The following CNTNAP2 variants were observed in gnomAD, a reference collection of about 807,000 sequenced individuals.
The protein encoded by CNTNAP2 is contactin-associated protein-like 2.
CNTNAP2 carries 98 observed loss-of-function variants against 155.2 expected under a neutral mutation model. That is an observed-to-expected ratio of 0.63 (90% CI 0.54 to 0.75). The LOEUF is 0.75. CNTNAP2 is among the 30% of genes least tolerant of loss of function. The pLI, the probability that CNTNAP2 is intolerant of heterozygous loss-of-function variation, is 0.00. For synonymous variants in CNTNAP2, 651 were observed against 631.2 expected (o/e 1.03, Z -0.47); for missense variants, 1,727 against 1,688.1 (o/e 1.02, Z -0.40).
chr7:147,915,348 T>C (rs1326871934), intron 14 of CNTNAP2, among the ~76,000 whole-genome samples: 2 of 152,180 alleles, frequency 1.3e-5, no homozygotes, highest in Non-Finnish European at 2.9e-5. Context: ...TTGATCTGAG[T>C]TCTGTGGAAC....
intron 9 of CNTNAP2, among the ~76,000 whole-genome samples, chr7:147,348,582 A>G (rs1795917671): frequency 6.6e-6 from 1 of 151,950 alleles, no homozygotes; most frequent in Non-Finnish European, 1.5e-5. Flanking sequence ...AGAAAAAAGT[A>G]TGGAGGTCCT....
intron 8 of CNTNAP2, among the ~76,000 whole-genome samples, chr7:147,176,438 T>C (rs1348257331): frequency 1.3e-5 from 2 of 151,808 alleles, no homozygotes; most frequent in East Asian, 1.9e-4. Flanking sequence ...TTAGATATTG[T>C]GCAGATGGAT....
intron 9 of CNTNAP2, among the ~76,000 whole-genome samples, chr7:147,330,571 C>G (rs1444585845): frequency 6.6e-6 from 1 of 152,172 alleles, no homozygotes; most frequent in Non-Finnish European, 1.5e-5. Flanking sequence ...TTTTCACTAA[C>G]TCTGGGTAGT....
At chr7:148,348,523 G>A (rs776510933) in intron 21 of CNTNAP2, among the ~76,000 whole-genome samples, 1 of 152,124 alleles carries the variant, frequency 6.6e-6, no homozygotes, top group East Asian at 1.9e-4. Flanking sequence ...GGAGCTCATC[G>A]CCCTATGAGA....
chr7:146,865,485 A>C (rs931942860), intron 3 of CNTNAP2, among the ~76,000 whole-genome samples: 1 of 152,160 alleles, frequency 6.6e-6, no homozygotes, highest in South Asian at 2.1e-4. Context: ...TGAGTCCACA[A>C]ATAGACTCAC....
intron 21 of CNTNAP2, among the ~76,000 whole-genome samples, chr7:148,358,194 C>T (rs1211578039): frequency 6.6e-6 from 1 of 152,132 alleles, no homozygotes; most frequent in Non-Finnish European, 1.5e-5. Context: ...CTGGGAGAAG[C>T]AGGGTGGGTC....
At chr7:146,590,176 G>C (rs910630832) in intron 1 of CNTNAP2, among the ~76,000 whole-genome samples, 1 of 152,102 alleles carries the variant, frequency 6.6e-6, no homozygotes, top group African/African-American at 2.4e-5. Flanking sequence ...GGCACTACAG[G>C]GTCATGCCAC....
At chr7:146,832,613 AT>A (rs1423527647) in intron 2 of CNTNAP2, among the ~76,000 whole-genome samples, 3 of 148,024 alleles carry the variant, frequency 2.0e-5, no homozygotes, top group African/African-American at 7.4e-5. Context: ...TATATATTAT[AT>A]TTTATATATT....
intron 7 of CNTNAP2, among the ~76,000 whole-genome samples, chr7:147,129,361 C>T (rs1801302424): frequency 6.6e-6 from 1 of 152,142 alleles, no homozygotes; most frequent in African/African-American, 2.4e-5. Flanking sequence ...ATTTCCACTG[C>T]ATAGCCAAAG....
At chr7:147,839,124 A>G (rs1304861837) in intron 13 of CNTNAP2, among the ~76,000 whole-genome samples, 2 of 152,176 alleles carry the variant, frequency 1.3e-5, no homozygotes, top group African/African-American at 2.4e-5. Context: ...AGACTAAGCC[A>G]GTCTAGTCTT....
intron 6 of CNTNAP2, among the ~76,000 whole-genome samples, chr7:147,125,553 A>G (rs1801215265): frequency 6.6e-6 from 1 of 152,236 alleles, no homozygotes; most frequent in African/African-American, 2.4e-5. Context: ...TCTGTTCTTC[A>G]GAGGACACCC....
At chr7:147,151,730 A>G (rs1253223697) in intron 8 of CNTNAP2, among the ~76,000 whole-genome samples, 2 of 152,156 alleles carry the variant, frequency 1.3e-5, no homozygotes, top group East Asian at 1.9e-4. Context: ...TTTATTTAAC[A>G]TGTATTTGGC....
chr7:147,917,546 T>C (rs1800181496), intron 14 of CNTNAP2, among the ~76,000 whole-genome samples: 1 of 152,164 alleles, frequency 6.6e-6, no homozygotes, highest in South Asian at 2.1e-4. Flanking sequence ...GCATGCCTTT[T>C]CCTTCCAAGA....
intron 4 of CNTNAP2, among the ~76,000 whole-genome samples, chr7:147,095,566 TCAGTGAATAAG>T: frequency 6.6e-6 from 1 of 151,880 alleles, no homozygotes; most frequent in African/African-American, 2.4e-5. Flanking sequence ...ATTTCAAATC[TCAGTGAATAAG>T]TTTCAGATGT....
chr7:146,717,282 C>A (rs1309588829), intron 1 of CNTNAP2, among the ~76,000 whole-genome samples: 1 of 151,046 alleles, frequency 6.6e-6, no homozygotes, highest in East Asian at 1.9e-4. Context: ...GCGGGTGGAT[C>A]ACCTGAGGTC....
intron 2 of CNTNAP2, among the ~76,000 whole-genome samples, chr7:146,780,579 T>A (rs1004296297): frequency 6.6e-6 from 1 of 152,104 alleles, no homozygotes; most frequent in Non-Finnish European, 1.5e-5. Flanking sequence ...TGACCAGTGA[T>A]GATGAGCTTT....
chr7:148,378,864 G>A lies in CNTNAP2; in HGVS notation c.3476-4785G>A, dbSNP rs1307549645. 3.0e-5 allele frequency among the ~76,000 whole-genome samples: 2 copies of A among 66,694 alleles called. 1 individual carries two copies. Among genetic ancestry groups the A allele is most frequent in the Non-Finnish European group, 8.4e-5 (2 of 23,904 alleles). 43.8% of individuals were successfully genotyped at this position (66,694 alleles called of 152,430 possible). A position where few individuals can be genotyped will look rare whatever the true frequency, so the allele number is the denominator to read the frequency against. On this transcript the variant is annotated intron_variant, in intron 21 of 23. Transcript: ENST00000361727. ...GACTCTGAGAAATTGAAAGGGAATC[G>A]GGGAAGGAATAAGACTGGATGTTAT...
intron 11 of CNTNAP2, among the ~76,000 whole-genome samples, chr7:147,550,792 G>A (rs1799836863): frequency 6.6e-6 from 1 of 152,090 alleles, no homozygotes; most frequent in South Asian, 2.1e-4. Flanking sequence ...TATATAGCAG[G>A]TAAACTAACA....
intron 3 of CNTNAP2, among the ~76,000 whole-genome samples, chr7:147,037,615 C>T (rs981928920): frequency 1.4e-4 from 21 of 151,988 alleles, no homozygotes; most frequent in African/African-American, 4.8e-4. Flanking sequence ...GTGCATGCCA[C>T]CATGCCTGGC....
Sources: allele counts gnomAD v4.1 joint callset (sites outside exome capture counted in the v4.1 genomes callset), GRCh38; gene constraint gnomAD v4.1.1; transcripts MANE v1.5; gene names NCBI Gene and HGNC (gene_info 2026-07-23, HGNC 2026-07-21).